The following LRRIQ1 variants were observed in gnomAD, a reference collection of about 807,000 sequenced individuals.
LRRIQ1 encodes leucine rich repeats and IQ motif containing 1.
Under a neutral mutation model 211.9 loss-of-function variants are expected in LRRIQ1, and 210 were observed. That is an observed-to-expected ratio of 0.99 (90% confidence interval 0.89 to 1.11). The LOEUF (loss-of-function observed/expected upper bound fraction) is 1.11. LRRIQ1 is among the 50% of genes most tolerant of loss of function. The pLI is 0.00. For missense variants in LRRIQ1, 2,136 were observed against 1,939.5 expected (o/e 1.10, Z -1.90); for synonymous variants, 699 against 650.1 (o/e 1.08, Z -1.14).
chr12:85,213,881 C>G (rs1893955476), intron 24 of LRRIQ1, among the ~76,000 whole-genome samples: 1 of 151,402 alleles, frequency 6.6e-6, no homozygotes, highest in Non-Finnish European at 1.5e-5. Context: ...GTGATGCAAC[C>G]CTGGCAAGTT....
chr12:85,198,126 T>A (rs1395839615), intron 24 of LRRIQ1, among the ~76,000 whole-genome samples: 1 of 122,196 alleles, frequency 8.2e-6, no homozygotes, highest in East Asian at 2.1e-4. Flanking sequence ...ATATATAATA[T>A]ATATTATATA....
At chr12:85,233,256 T>A (rs962110657) in intron 26 of LRRIQ1, among the ~76,000 whole-genome samples, 41 of 152,022 alleles carry the variant, frequency 2.7e-4, no homozygotes, top group African/African-American at 9.9e-4. Context: ...AGTATAACTG[T>A]ATGTGCATTG....
chr12:85,208,109 A>G (rs1228869768), intron 24 of LRRIQ1, among the ~76,000 whole-genome samples: 1 of 152,010 alleles, frequency 6.6e-6, no homozygotes, highest in African/African-American at 2.4e-5. Context: ...GTATATATAT[A>G]CATTGTGAAA....
chr12:85,240,222 C>A (rs942823649), intron 26 of LRRIQ1, among the ~76,000 whole-genome samples: 1 of 151,992 alleles, frequency 6.6e-6, no homozygotes, highest in African/African-American at 2.4e-5. Flanking sequence ...CAAATGAAAA[C>A]GTGTTCACTT....
At chr12:85,058,426 T>C (rs1294368299) in intron 8 of LRRIQ1, among the ~76,000 whole-genome samples, 1 of 151,990 alleles carries the variant, frequency 6.6e-6, no homozygotes, top group East Asian at 1.9e-4. Context: ...ATGATAACAT[T>C]AGCAATTATT....
At chr12:85,271,367 T>A in the LRRIQ1 span, among the ~76,000 whole-genome samples, 13 of 152,238 alleles carry the variant, frequency 8.5e-5, no homozygotes, top group South Asian at 2.7e-3. Flanking sequence ...CTAACTCAAG[T>A]CAATCCACTT....
At chr12:85,058,028 A>G (rs117818848) in intron 8 of LRRIQ1, among the ~76,000 whole-genome samples, 251 of 152,134 alleles carry the variant, frequency 1.6e-3, no homozygotes, top group Non-Finnish European at 3.0e-3. Flanking sequence ...CATCTATCCA[A>G]TAAGATGATC....
chr12:85,137,715 A>G (rs892352634), intron 18 of LRRIQ1, 135 bp from the exon 19 acceptor site: 3 of 673,468 alleles, frequency 4.5e-6, no homozygotes, highest in Non-Finnish European at 6.9e-6. Flanking sequence ...AGTGTCACAT[A>G]AAGTTCAGAA....
At chr12:85,222,925 G>A (rs1279236491) in intron 24 of LRRIQ1, among the ~76,000 whole-genome samples, 3 of 152,114 alleles carry the variant, frequency 2.0e-5, no homozygotes, top group Non-Finnish European at 1.5e-5. Context: ...GGTTGCAATG[G>A]CGAAAGAAAG....
At chr12:85,081,058 C>A (rs563082962) in intron 11 of LRRIQ1, among the ~76,000 whole-genome samples, 1 of 152,028 alleles carries the variant, frequency 6.6e-6, no homozygotes, top group East Asian at 1.9e-4. Flanking sequence ...CCTCAGAACC[C>A]TTTCTGTATT....
At position 85,230,201 on chromosome 12, in the gene LRRIQ1, T is replaced by C. The variant is rs1420058716; in HGVS notation, c.4955+552T>C. 2.6e-5 allele frequency among the ~76,000 whole-genome samples: 4 copies of C among 152,328 alleles called. No homozygotes were observed. The East Asian group carries it at 7.7e-4, about 29-fold the overall frequency. On this transcript the variant is annotated intron_variant, in intron 25 of 26. Transcript: ENST00000393217. Reference sequence around the variant, plus strand: ...AAGGTACCTTAAATCTAAAAGTTGCTTAATTAATTTTTGTTATATTAATGT... The same window carrying C: ...AAGGTACCTTAAATCTAAAAGTTGCCTAATTAATTTTTGTTATATTAATGT...
At chr12:85,079,244 CT>C (rs3058476) in intron 11 of LRRIQ1, among the ~76,000 whole-genome samples, 708 of 103,576 alleles carry the variant, frequency 6.8e-3, no homozygotes, top group Middle Eastern at 0.024. Flanking sequence ...GTATCTTTAT[CT>C]TTTTTTTTTT....
chr12:85,205,471 G>C (rs1177230022), intron 24 of LRRIQ1, among the ~76,000 whole-genome samples: 1 of 152,252 alleles, frequency 6.6e-6, no homozygotes. Context: ...AAGGTCTGCT[G>C]TTAGCCTGAT....
At chr12:85,245,858 G>C (rs1287164107), downstream of LRRIQ1, among the ~76,000 whole-genome samples, 1 of 150,262 alleles carries the variant, frequency 6.7e-6, no homozygotes, top group African/African-American at 2.4e-5. Flanking sequence ...TTACTCACTG[G>C]TATTATAGTT....
intron 7 of LRRIQ1, among the ~76,000 whole-genome samples, chr12:85,053,416 TAA>T (rs977956970): frequency 2.6e-5 from 4 of 151,728 alleles, no homozygotes; most frequent in African/African-American, 7.3e-5. Context: ...AAAGGAAAAA[TAA>T]AGTCTTAGAA....
At chr12:85,096,359 T>C (rs1347055604) in intron 11 of LRRIQ1, among the ~76,000 whole-genome samples, 2 of 152,276 alleles carry the variant, frequency 1.3e-5, no homozygotes, top group East Asian at 1.9e-4. Flanking sequence ...TGGTATATTG[T>C]ATATCCTTTT....
chr12:85,217,482 ATATATATATG>A (rs1238924392), intron 24 of LRRIQ1, among the ~76,000 whole-genome samples: 11 of 83,964 alleles, frequency 1.3e-4, no homozygotes, highest in Admixed American at 5.0e-4. Flanking sequence ...ATATATATAT[ATATATATATG>A]TATATATATA....
chr12:85,186,820 C>T (rs1252123117), intron 24 of LRRIQ1, among the ~76,000 whole-genome samples: 1 of 151,850 alleles, frequency 6.6e-6, no homozygotes, highest in African/African-American at 2.4e-5. Flanking sequence ...ACACCTCTTC[C>T]ATCCCTCATC....
intron 15 of LRRIQ1, among the ~76,000 whole-genome samples, chr12:85,116,174 G>T (rs544170633): frequency 6.6e-6 from 1 of 152,102 alleles, no homozygotes; most frequent in African/African-American, 2.4e-5. Flanking sequence ...ACGGAGTCTC[G>T]CTCTGTCGCC....
Sources: allele counts gnomAD v4.1 joint callset (sites outside exome capture counted in the v4.1 genomes callset), GRCh38; gene constraint gnomAD v4.1.1; transcripts MANE v1.5; gene names NCBI Gene and HGNC (gene_info 2026-07-23, HGNC 2026-07-21).